The following DAPK2 variants were observed in gnomAD, a reference collection of about 807,000 sequenced individuals.
DAPK2 encodes the protein death-associated protein kinase 2.
Under a neutral mutation model 44.1 loss-of-function variants are expected in DAPK2, and 35 were observed. The observed-to-expected ratio is 0.79, with a 90% CI of 0.61 to 1.05. DAPK2 has a LOEUF of 1.05. Among genes scored for constraint, DAPK2 ranks in the 50% least tolerant of loss-of-function variants. DAPK2 has a pLI of 0.00. For synonymous variants in DAPK2, 174 were observed against 182.6 expected (o/e 0.95, Z 0.38); for missense variants, 453 against 483.2 (o/e 0.94, Z 0.59).
At chr15:63,934,726 T>C (rs2077088564) in intron 4 of DAPK2, among the ~76,000 whole-genome samples, 1 of 151,644 alleles carries the variant, frequency 6.6e-6, no homozygotes, top group African/African-American at 2.4e-5. Context: ...CCTGGCTAAT[T>C]TTTTGTATTT....
At chr15:63,992,616 C>T (rs1436949377) in intron 1 of DAPK2, among the ~76,000 whole-genome samples, 1 of 152,162 alleles carries the variant, frequency 6.6e-6, no homozygotes, top group Non-Finnish European at 1.5e-5. Context: ...TCTGTGGAGG[C>T]CCCAAATAAC....
At position 64,020,209 on chromosome 15, in the gene DAPK2, CTG is replaced by C. The variant is rs770775477; in HGVS notation, c.92+19959_92+19960del. Among the ~76,000 whole-genome samples, 2 of 152,184 alleles carry C rather than the reference CTG, an allele frequency of 1.3e-5. No individual in the cohort carries two copies. Among genetic ancestry groups the C allele is most frequent in the African/African-American group, 4.8e-5 (2 of 41,428 alleles). On this transcript the variant is annotated intron_variant, in intron 1 of 10. Transcript: ENST00000261891. This position sits in a 1 kb window ranked among gnomAD's most constrained non-coding sequence, Gnocchi z 4.5. ...TATGCTAGAGATGGGGGAAAGGAAACTGAGGACTTGCCTAAGCACAGGCAGCT... is the reference window on the plus strand; with the variant it reads ...TATGCTAGAGATGGGGGAAAGGAAACAGGACTTGCCTAAGCACAGGCAGCT...
At chr15:63,910,267 T>C (rs940055793) in intron 10 of DAPK2, among the ~76,000 whole-genome samples, 4 of 152,186 alleles carry the variant, frequency 2.6e-5, no homozygotes, top group African/African-American at 7.2e-5. Context: ...CAAGAGATCA[T>C]GCTAAAGAGA....
chr15:63,924,332 T>C (rs566908184), intron 8 of DAPK2, among the ~76,000 whole-genome samples: 142 of 152,266 alleles, frequency 9.3e-4, no homozygotes, highest in African/African-American at 3.2e-3. Flanking sequence ...CAGGCCTCTG[T>C]CTCAGGCCCC....
chr15:63,948,587 G>A (rs1052552106), intron 3 of DAPK2, among the ~76,000 whole-genome samples: 1 of 152,054 alleles, frequency 6.6e-6, no homozygotes, highest in African/African-American at 2.4e-5. Flanking sequence ...CAACACTGAG[G>A]ATCACAATTC....
chr15:64,031,164 T>G (rs553184927), intron 1 of DAPK2, among the ~76,000 whole-genome samples: 6 of 152,098 alleles, frequency 3.9e-5, no homozygotes, highest in Non-Finnish European at 7.4e-5. Flanking sequence ...GAAATGGGAA[T>G]GTGATCCAAG....
intron 1 of DAPK2, among the ~76,000 whole-genome samples, chr15:64,002,990 GTGTGTGTGTGTGTGTGTGTGTGTGTC>G (rs2079135236): frequency 1.3e-5 from 2 of 149,182 alleles, no homozygotes; most frequent in African/African-American, 4.9e-5. Context: ...GTGTGTGTGT[GTGTGTGTGTGTGTGTGTGTGTGTGTC>G]GTGGGACCAG....
At chr15:64,008,171 T>C (rs2079286837) in intron 1 of DAPK2, among the ~76,000 whole-genome samples, 1 of 151,556 alleles carries the variant, frequency 6.6e-6, no homozygotes, top group South Asian at 2.1e-4. Context: ...CTAATGGCTT[T>C]AGGACACTAT....
intron 3 of DAPK2, among the ~76,000 whole-genome samples, chr15:63,963,251 C>T (rs759401450): frequency 3.9e-5 from 6 of 152,144 alleles, no homozygotes; most frequent in African/African-American, 1.2e-4. Context: ...CCATCTGTCA[C>T]GGCTTCCCTT....
At chr15:63,930,084 G>T (rs895021726) in intron 5 of DAPK2, among the ~76,000 whole-genome samples, 10 of 152,202 alleles carry the variant, frequency 6.6e-5, no homozygotes, top group African/African-American at 2.4e-4. Context: ...CTGACTGAGC[G>T]AGCTACTGTT....
At chr15:64,010,505 T>C (rs1181727899) in intron 1 of DAPK2, among the ~76,000 whole-genome samples, 1 of 152,206 alleles carries the variant, frequency 6.6e-6, no homozygotes, top group Non-Finnish European at 1.5e-5. Context: ...GCTTTTTCAA[T>C]GTGATGATGA....
At chr15:64,021,311 C>T (rs1567278937) in intron 1 of DAPK2, among the ~76,000 whole-genome samples, 3 of 152,182 alleles carry the variant, frequency 2.0e-5, no homozygotes, top group South Asian at 2.1e-4. Flanking sequence ...GTGAGCATTC[C>T]GTACAGTTGC....
chr15:64,001,761 ATG>A (rs1434985971), intron 1 of DAPK2, among the ~76,000 whole-genome samples: 3 of 152,340 alleles, frequency 2.0e-5, no homozygotes, highest in East Asian at 1.9e-4. Flanking sequence ...CTGAATCAGA[ATG>A]TGTGTGTTAA....
chr15:63,915,978 C>T (rs1393082406), intron 8 of DAPK2, among the ~76,000 whole-genome samples: 1 of 151,346 alleles, frequency 6.6e-6, no homozygotes, highest in Admixed American at 6.6e-5. Context: ...GAACTGTGTC[C>T]TGCCTTCTCC....
chr15:63,930,565 G>T, intron 4 of DAPK2, 110 bp from the exon 6 acceptor site: 2 of 1,007,824 alleles, frequency 2.0e-6, no homozygotes, highest in Non-Finnish European at 3.1e-6. Flanking sequence ...TGAATCTCCA[G>T]GAAAATTAGA....
intron 1 of DAPK2, among the ~76,000 whole-genome samples, chr15:63,992,724 C>T (rs1043333873): frequency 6.6e-6 from 1 of 152,152 alleles, no homozygotes; most frequent in Non-Finnish European, 1.5e-5. Flanking sequence ...CTTGTGGGAG[C>T]ACAGGGAAGG....
At chr15:64,024,771 C>T (rs1034458371) in intron 1 of DAPK2, among the ~76,000 whole-genome samples, 3 of 152,216 alleles carry the variant, frequency 2.0e-5, no homozygotes, top group Admixed American at 6.5e-5. Context: ...TAGAGCCACA[C>T]CACAGCCCTG....
chr15:64,030,253 A>G (rs2141137582), intron 1 of DAPK2, among the ~76,000 whole-genome samples: 1 of 152,158 alleles, frequency 6.6e-6, no homozygotes, highest in South Asian at 2.1e-4. Context: ...ACGCCACTGC[A>G]CTCCAGCCTG....
rs755753328 is a variant in DAPK2 at position 63,939,899 on chromosome 15, C to G, written c.454-538G>C. On this transcript the variant is annotated intron_variant, in intron 3 of 10. Transcript: ENST00000261891. This position sits in a 1 kb window ranked among gnomAD's most constrained non-coding sequence, Gnocchi z 4.3. ...TAGACTCACTGTGTAGCCCACACTTCTCTCTGCGTTTAACTAATTTTGGTC... is the reference window on the plus strand; with the variant it reads ...TAGACTCACTGTGTAGCCCACACTTGTCTCTGCGTTTAACTAATTTTGGTC... 2.6e-5 allele frequency among the ~76,000 whole-genome samples: 4 copies of G among 152,236 alleles called. No homozygotes were observed. The highest frequency in any genetic ancestry group is 1.3e-4 in the Admixed American group (2 of 15,286).
Sources: allele counts gnomAD v4.1 joint callset (sites outside exome capture counted in the v4.1 genomes callset), GRCh38; gene constraint gnomAD v4.1.1; non-coding constraint Gnocchi (gnomAD v3.1); transcripts MANE v1.5; gene names NCBI Gene and HGNC (gene_info 2026-07-23, HGNC 2026-07-21).